The following BSCL2 variants were observed in gnomAD, a reference collection of about 807,000 sequenced individuals.
BSCL2 encodes the protein seipin.
BSCL2 carries 41 observed loss-of-function variants against 57.4 expected under a neutral mutation model. The observed-to-expected ratio is 0.71, with a 90% CI of 0.56 to 0.93. The LOEUF (loss-of-function observed/expected upper bound fraction) is 0.93. Ranked by LOEUF, BSCL2 falls within the 40% of genes least tolerant of loss-of-function variation. BSCL2 has a pLI of 0.00. For synonymous variants in BSCL2, 237 were observed against 227.3 expected (o/e 1.04, Z -0.38); for missense variants, 539 against 586.7 (o/e 0.92, Z 0.84).
At chr11:62,698,293 G>T (rs1315343546) in intron 3 of BSCL2, among the ~76,000 whole-genome samples, 1 of 151,948 alleles carries the variant, frequency 6.6e-6, no homozygotes, top group African/African-American at 2.4e-5. Context: ...CTGCCTCCTG[G>T]GTTCAAGCGA....
At chr11:62,690,587 G>C in intron 10 of BSCL2, 25 bp downstream of exon 10, 1 of 1,613,986 alleles carries the variant, frequency 6.2e-7, no homozygotes. Context: ...GCCCCACCCA[G>C]GTCACGCTGC....
At chr11:62,694,895 C>T (rs1252737399) in intron 3 of BSCL2, among the ~76,000 whole-genome samples, 184 bp from the exon 4 acceptor site, 1 of 152,168 alleles carries the variant, frequency 6.6e-6, no homozygotes, top group Non-Finnish European at 1.5e-5. Context: ...GTGGCTAGAG[C>T]CTCTCACGTC....
intron 4 of BSCL2, among the ~76,000 whole-genome samples, chr11:62,694,206 T>A (rs1211351825): frequency 1.6e-5 from 2 of 125,018 alleles, no homozygotes; most frequent in East Asian, 4.2e-4. Context: ...TTTTTTTTTT[T>A]TTTTTTTTTT....
chr11:62,702,182 T>C (rs1945662518), intron 3 of BSCL2, among the ~76,000 whole-genome samples: 1 of 151,898 alleles, frequency 6.6e-6, no homozygotes, highest in Non-Finnish European at 1.5e-5. Context: ...TTCTCCTGCC[T>C]CAGCCTCCCA....
chr11:62,699,675 GTTTTT>G (rs71056548), intron 3 of BSCL2, among the ~76,000 whole-genome samples: 1 of 87,208 alleles, frequency 1.1e-5, no homozygotes. Flanking sequence ...ATCCTATCTG[GTTTTT>G]TTTTTTTTTT....
intron 3 of BSCL2, among the ~76,000 whole-genome samples, chr11:62,698,149 C>T (rs1182217229): frequency 2.0e-5 from 3 of 151,940 alleles, no homozygotes; most frequent in Non-Finnish European, 2.9e-5. Flanking sequence ...CCCCGTGATC[C>T]ACCCGCCTCG....
At chr11:62,692,924 C>T in intron 4 of BSCL2, 127 bp from the exon 5 acceptor site, 1 of 1,166,572 alleles carries the variant, frequency 8.6e-7, no homozygotes, top group Non-Finnish European at 1.2e-6. Flanking sequence ...GGCTGCCTCA[C>T]CTTCACTTCC....
At chr11:62,704,025 G>C (rs903474194) in intron 2 of BSCL2, among the ~76,000 whole-genome samples, 4 of 151,508 alleles carry the variant, frequency 2.6e-5, no homozygotes, top group African/African-American at 7.3e-5. Flanking sequence ...GGAGGCTGAG[G>C]CAAGGCAGGA....
At chr11:62,708,530 G>C, upstream of BSCL2, 1 of 1,272,940 alleles carries the variant, frequency 7.9e-7, no homozygotes, top group Non-Finnish European at 1.1e-6. Context: ...TCTGTAGAGA[G>C]AGCTGTCCCC....
At chr11:62,700,641 CAAAT>C (rs761254407) in intron 3 of BSCL2, among the ~76,000 whole-genome samples, 4 of 151,980 alleles carry the variant, frequency 2.6e-5, no homozygotes, top group South Asian at 4.2e-4. Flanking sequence ...AACTCCGTCT[CAAAT>C]AAATAAATAA....
chr11:62,706,151 T>C, intron 1 of BSCL2: 1 of 987,994 alleles, frequency 1.0e-6, no homozygotes, highest in Non-Finnish European at 1.2e-6. Context: ...AACCGCCGCT[T>C]CCCGCCAGTC....
In BSCL2 at chr11:62,694,077, G is replaced by A. The variant is rs538381018; in HGVS notation, c.630+491C>T. Among the ~76,000 whole-genome samples, 3 of 151,438 alleles carry A rather than the reference G, an allele frequency of 2.0e-5. No individual in the cohort carries two copies. In the East Asian group the frequency reaches 5.9e-4, roughly 30 times the overall value. On this transcript the variant is annotated intron_variant, in intron 4 of 10. Transcript: ENST00000360796. ...GATCTACCCGCCTCGGCCTCCCAGA[G>A]TGTTGGGATTACAGGCATGAGCCAC...
chr11:62,694,999 T>C (rs1025713056), intron 3 of BSCL2, among the ~76,000 whole-genome samples: 20 of 152,204 alleles, frequency 1.3e-4, no homozygotes, highest in African/African-American at 4.8e-4. Flanking sequence ...AAGTGAACCA[T>C]CATGTTGCCA....
chr11:62,707,800 A>G, upstream of BSCL2: 1 of 257,494 alleles, frequency 3.9e-6, no homozygotes, highest in South Asian at 4.9e-5. Context: ...CTGCTTCTGC[A>G]TCAGATACTT....
At chr11:62,698,467 G>C (rs1945542050) in intron 3 of BSCL2, among the ~76,000 whole-genome samples, 1 of 152,170 alleles carries the variant, frequency 6.6e-6, no homozygotes, top group Non-Finnish European at 1.5e-5. Flanking sequence ...CAAAGTGCTG[G>C]GATTACAGGC....
At chr11:62,701,829 G>GAA (rs139041776) in intron 3 of BSCL2, among the ~76,000 whole-genome samples, 209 of 121,018 alleles carry the variant, frequency 1.7e-3, no homozygotes, top group African/African-American at 5.2e-3. Flanking sequence ...AGACTGTCTG[G>GAA]AAAAAAAAAA....
In BSCL2 at chr11:62,690,706, G is replaced by A; in HGVS notation, c.1154-14C>T. The A allele has an allele frequency of 6.2e-7, 1 of 1,613,826 alleles. No homozygotes were observed. Among genetic ancestry groups the A allele is most frequent in the Non-Finnish European group, 8.5e-7 (1 of 1,180,014 alleles). On this transcript the variant is annotated splice_polypyrimidine_tract_variant and intron_variant, in intron 9 of 10. Coordinates refer to ENST00000360796, the MANE Select transcript of BSCL2 (RefSeq NM_001122955.4). ...ACAGCTGACCCTCTGCAGCCAAAAG[G>A]GGAATGCAGGGGTCAGACCCAGACA...
chr11:62,708,086 A>C (rs2083572999), upstream of BSCL2: 1 of 596,238 alleles, frequency 1.7e-6, no homozygotes, highest in Non-Finnish European at 3.0e-6. Context: ...GGCCCAGGCC[A>C]TGAGGGAGTT....
At chr11:62,708,167 G>T, upstream of BSCL2, 1 of 714,806 alleles carries the variant, frequency 1.4e-6, no homozygotes, top group South Asian at 1.5e-5. Flanking sequence ...ACTGGAGGAG[G>T]AGGAGGAGGA....
Sources: allele counts gnomAD v4.1 joint callset (sites outside exome capture counted in the v4.1 genomes callset), GRCh38; gene constraint gnomAD v4.1.1; transcripts MANE v1.5; gene names NCBI Gene and HGNC (gene_info 2026-07-23, HGNC 2026-07-21).